PRICKLE2: variants seen among roughly 807,000 people sequenced by gnomAD.
PRICKLE2 encodes the protein prickle planar cell polarity protein 2.
Under a neutral mutation model 81.4 loss-of-function variants are expected in PRICKLE2, and 21 were observed. The ratio of observed to expected loss-of-function variants is 0.26; its 90% CI spans 0.18 to 0.37. The LOEUF (loss-of-function observed/expected upper bound fraction) is 0.37, where lower values mean the gene tolerates loss of function less well. Among genes scored for constraint, PRICKLE2 ranks in the 10% least tolerant of loss-of-function variants. The probability of loss-of-function intolerance (pLI) is 1.00; values close to 1 mark genes in which losing one functional copy is unlikely to be tolerated. For missense variants in PRICKLE2, 940 were observed against 1,109.0 expected (o/e 0.85, Z 2.16); for synonymous variants, 456 against 421.5 (o/e 1.08, Z -1.00).
chr3:64,193,504 A>C (rs1455503117), intron 2 of PRICKLE2, among the ~76,000 whole-genome samples: 1 of 152,240 alleles, frequency 6.6e-6, no homozygotes, highest in Non-Finnish European at 1.5e-5. Flanking sequence ...TGATGCAGAA[A>C]AATGTTCACA....
chr3:64,244,699 T>C (rs1250634128), intron 2 of PRICKLE2, among the ~76,000 whole-genome samples: 1 of 151,894 alleles, frequency 6.6e-6, no homozygotes, highest in African/African-American at 2.4e-5. Flanking sequence ...GGAATGGATA[T>C]ATTCATACAT....
chr3:64,158,093 G>T (rs1349759798), intron 4 of PRICKLE2, among the ~76,000 whole-genome samples: 1 of 152,238 alleles, frequency 6.6e-6, no homozygotes, highest in African/African-American at 2.4e-5. Context: ...AAAGAATATG[G>T]TTTGAGGGAC....
intron 7 of PRICKLE2, among the ~76,000 whole-genome samples, chr3:64,133,524 G>T (rs2077229798): frequency 6.6e-6 from 1 of 151,450 alleles, no homozygotes; most frequent in Non-Finnish European, 1.5e-5. Flanking sequence ...CAGACTCAGA[G>T]AACAAATTAA....
At chr3:64,161,994 CTT>C (rs1413545003) in intron 3 of PRICKLE2, among the ~76,000 whole-genome samples, 3 of 152,162 alleles carry the variant, frequency 2.0e-5, no homozygotes, top group Admixed American at 2.0e-4. Flanking sequence ...TCATAGCTCT[CTT>C]TTTAGGGAAC....
intron 7 of PRICKLE2, among the ~76,000 whole-genome samples, chr3:64,131,156 G>T (rs556674745): frequency 2.0e-5 from 3 of 152,310 alleles, no homozygotes; most frequent in African/African-American, 7.2e-5. Context: ...GCCCCAAATT[G>T]TGAGCCTATT....
intron 2 of PRICKLE2, among the ~76,000 whole-genome samples, chr3:64,180,482 C>T: frequency 6.6e-6 from 1 of 152,154 alleles, no homozygotes; most frequent in Non-Finnish European, 1.5e-5. Flanking sequence ...TCCTCCCCTT[C>T]AGCCCTTGGA....
chr3:64,126,728 C>A (rs1373529410), intron 7 of PRICKLE2, among the ~76,000 whole-genome samples: 1 of 152,160 alleles, frequency 6.6e-6, no homozygotes, highest in Non-Finnish European at 1.5e-5. Flanking sequence ...CAGGTGCACA[C>A]CACTGCACCT....
intron 2 of PRICKLE2, among the ~76,000 whole-genome samples, chr3:64,253,216 G>T (rs1050981383): frequency 6.6e-6 from 1 of 152,194 alleles, no homozygotes; most frequent in Non-Finnish European, 1.5e-5. Flanking sequence ...AGGGCAATTT[G>T]TTGAGGTAGA....
rs181360826 is a variant in PRICKLE2, at chr3:64,212,381, G to C, written c.-41+12529C>G. Among the ~76,000 whole-genome samples, 96 of 152,286 alleles carry C rather than the reference G, an allele frequency of 6.3e-4. No homozygotes were observed. The Middle Eastern group carries it at 0.024, about 38-fold the overall frequency. The stretch of plus-strand genomic sequence containing the variant: ...AAGTTCTAAGAGCCCCTCCTTTCCA[G>C]ATAAATCCTTTGGGGGACCAATTTC... On this transcript the variant is annotated intron_variant, in intron 1 of 7. Transcript: ENST00000638394.
At chr3:64,201,949 T>G (rs1443636198) in intron 1 of PRICKLE2, among the ~76,000 whole-genome samples, 1 of 152,208 alleles carries the variant, frequency 6.6e-6, no homozygotes, top group Non-Finnish European at 1.5e-5. Context: ...TTCATTCTCA[T>G]GTGGCTATCC....
At position 64,173,697 on chromosome 3, in the gene PRICKLE2, A is replaced by C. The variant is rs12494111; in HGVS notation, c.145-10568T>G. Among the ~76,000 whole-genome samples, 540 of 152,324 alleles carry C rather than the reference A, an allele frequency of 3.5e-3. 9 individuals carry two copies. Among genetic ancestry groups the C allele is most frequent in the Admixed American group, 0.027 (408 of 15,300 alleles). ...AAATGAGATTAAACAGCTAAAGAGC[A>C]CTTTGAAGAGTACGATGACAACTGA... On this transcript the variant is annotated intron_variant, in intron 2 of 7. Coordinates refer to ENST00000638394, the MANE Select transcript of PRICKLE2 (RefSeq NM_198859.4).
chr3:64,178,200 T>C lies in PRICKLE2; in HGVS notation c.145-15071A>G, dbSNP rs552043774. Among the ~76,000 whole-genome samples, 4 of 152,370 alleles carry C rather than the reference T, an allele frequency of 2.6e-5. No homozygotes were observed. The South Asian group carries it at 8.3e-4, about 32-fold the overall frequency. On this transcript the variant is annotated intron_variant, in intron 2 of 7. Transcript: ENST00000638394. ...GCTTATCAGCCGACCGTATATTGTC[T>C]TTGGAGAGATGTTGATTGAAGTCCT...
At chr3:64,150,658 G>A (rs1000023879) in intron 6 of PRICKLE2, among the ~76,000 whole-genome samples, 1 of 152,098 alleles carries the variant, frequency 6.6e-6, no homozygotes, top group African/African-American at 2.4e-5. Flanking sequence ...GAGCAGCTGC[G>A]GCTATCCCCA....
chr3:64,151,934 A>G (rs2077553854), intron 6 of PRICKLE2, among the ~76,000 whole-genome samples: 1 of 152,118 alleles, frequency 6.6e-6, no homozygotes, highest in Non-Finnish European at 1.5e-5. Context: ...CCAGAAGGAA[A>G]TGCAGCTGAA....
intron 6 of PRICKLE2, among the ~76,000 whole-genome samples, chr3:64,148,450 C>A (rs980122248): frequency 2.6e-5 from 4 of 152,246 alleles, no homozygotes; most frequent in African/African-American, 9.6e-5. Flanking sequence ...TCTACAGCAT[C>A]TCCAGGACCT....
intron 7 of PRICKLE2, among the ~76,000 whole-genome samples, chr3:64,135,718 A>G (rs867962741): frequency 0.01 from 1,491 of 145,768 alleles, 28 homozygotes; most frequent in African/African-American, 0.036. Flanking sequence ...ACACACACAC[A>G]CACACGCACA....
chr3:64,157,488 T>C lies in PRICKLE2; in HGVS notation c.397-123A>G, dbSNP rs143284595. 68 of 988,980 alleles carry C rather than the reference T, an allele frequency of 6.9e-5. No homozygotes were observed. The East Asian group carries it at 1.7e-3, about 25-fold the overall frequency. The allele number at this position is 988,980 out of a possible 1,614,324, so 61.3% of individuals were successfully genotyped here. A position where few individuals can be genotyped will look rare whatever the true frequency, so the allele number is the denominator to read the frequency against. On this transcript the variant is annotated intron_variant, in intron 4 of 7. Transcript: ENST00000638394. ...GTGCTTATGTTCAAAGCAGTCACTA[T>C]GCTTCCTGCTTTACACAGGCAGCAG...
chr3:64,127,312 T>C (rs2077123735), intron 7 of PRICKLE2, among the ~76,000 whole-genome samples: 1 of 152,168 alleles, frequency 6.6e-6, no homozygotes, highest in Admixed American at 6.5e-5. Context: ...ATGCCATGAC[T>C]ACCACCACTA....
intron 1 of PRICKLE2, among the ~76,000 whole-genome samples, chr3:64,221,338 T>C (rs988016188): frequency 6.0e-5 from 9 of 150,196 alleles, no homozygotes; most frequent in Non-Finnish European, 1.2e-4. Context: ...GCTCAGACAA[T>C]AGGCCAAAGA....
Sources: allele counts gnomAD v4.1 joint callset (sites outside exome capture counted in the v4.1 genomes callset), GRCh38; gene constraint gnomAD v4.1.1; transcripts MANE v1.5; gene names NCBI Gene and HGNC (gene_info 2026-07-23, HGNC 2026-07-21).